The following ZFHX3 variants were observed in gnomAD, a reference collection of about 807,000 sequenced individuals.
ZFHX3 encodes zinc finger homeobox protein 3.
Under a neutral mutation model 279.1 loss-of-function variants are expected in ZFHX3, and 42 were observed. The observed-to-expected ratio is 0.15, with a 90% CI of 0.12 to 0.19. ZFHX3 has a LOEUF of 0.19. Ranked by LOEUF, ZFHX3 falls within the 10% of genes least tolerant of loss-of-function variation. The pLI, the probability that ZFHX3 is intolerant of heterozygous loss-of-function variation, is 1.00. For missense variants in ZFHX3, 4,981 were observed against 4,754.0 expected, an observed-to-expected ratio of 1.05 and a Z score of -1.40; for synonymous variants, 2,293 against 1,957.8, an observed-to-expected ratio of 1.17 and a Z score of -4.52.
At chr16:73,134,819 T>C (rs1966761336) in intron 6 of ZFHX3, among the ~76,000 whole-genome samples, 1 of 152,132 alleles carries the variant, frequency 6.6e-6, no homozygotes, top group African/African-American at 2.4e-5. Flanking sequence ...GAGGAGGTGA[T>C]GTTTGCTACT....
chr16:73,757,000 G>A (rs777620583), intron 1 of ZFHX3, among the ~76,000 whole-genome samples: 23 of 152,112 alleles, frequency 1.5e-4, no homozygotes, highest in Non-Finnish European at 2.8e-4. Context: ...GTGCAAGAGG[G>A]AATGCATGGG....
In ZFHX3 at chr16:72,787,477, G is replaced by T; in HGVS notation, c.10799C>A (p.Pro3600Gln). The change falls in exon 10 of 10, where the codon CCG (proline) becomes CAG (glutamine). Residue 3600 changes from proline to glutamine, a missense_variant. This residue lies in a region of ZFHX3 where 1,034 missense variants were observed against 786.0 expected (regional missense o/e 1.32). Coordinates refer to ENST00000268489, the MANE Select transcript of ZFHX3 (RefSeq NM_006885.4). ...AAHSNDSPPP[P>Q]SAAAPSSASP... Reference sequence around the variant, plus strand: ...AGCGGAGGAGGGGGCGGCGGCCGACGGGGGAGGGGGGCTGTCGTTTGAGTG... The same window carrying T: ...AGCGGAGGAGGGGGCGGCGGCCGACTGGGGAGGGGGGCTGTCGTTTGAGTG... 1 of 1,605,892 alleles carries T rather than the reference G, an allele frequency of 6.2e-7. No individual in the cohort carries two copies. The highest frequency in any genetic ancestry group is 8.5e-7 in the Non-Finnish European group (1 of 1,174,842).
chr16:72,906,573 G>T (rs140076704), intron 3 of ZFHX3, among the ~76,000 whole-genome samples: 126 of 152,218 alleles, frequency 8.3e-4, no homozygotes, highest in Admixed American at 2.5e-3. Flanking sequence ...GAGGCAGGCG[G>T]ATCACCTGAG....
intron 2 of ZFHX3, among the ~76,000 whole-genome samples, chr16:72,951,937 G>T (rs529948151): frequency 6.6e-6 from 1 of 152,210 alleles, no homozygotes; most frequent in Admixed American, 6.5e-5. Context: ...GGGTTGGATA[G>T]TGCATCTCTA....
chr16:73,886,901 C>A (rs1056018934), intron 1 of ZFHX3, among the ~76,000 whole-genome samples: 5 of 152,142 alleles, frequency 3.3e-5, no homozygotes, highest in African/African-American at 1.2e-4. Context: ...CAGTCTGTCA[C>A]TGATTAAAAG....
At chr16:73,476,614 G>A (rs552013074) in intron 2 of ZFHX3, among the ~76,000 whole-genome samples, 3 of 152,300 alleles carry the variant, frequency 2.0e-5, no homozygotes, top group African/African-American at 7.2e-5. Flanking sequence ...CAAGTGGGAG[G>A]AAGCTGTGAA....
At chr16:73,298,272 C>T (rs2014969616) in intron 4 of ZFHX3, among the ~76,000 whole-genome samples, 1 of 151,334 alleles carries the variant, frequency 6.6e-6, no homozygotes, top group Non-Finnish European at 1.5e-5. Flanking sequence ...AACCTCCGCC[C>T]CTCCCAGGTT....
At chr16:72,917,963 A>C (rs1438850802) in intron 3 of ZFHX3, among the ~76,000 whole-genome samples, 1 of 152,230 alleles carries the variant, frequency 6.6e-6, no homozygotes, top group Non-Finnish European at 1.5e-5. Flanking sequence ...CAATGGAATA[A>C]ACACGATGAA....
chr16:73,131,579 T>C (rs2144820172), intron 6 of ZFHX3, among the ~76,000 whole-genome samples: 1 of 152,226 alleles, frequency 6.6e-6, no homozygotes, highest in East Asian at 1.9e-4. Context: ...AGTCAAAGTG[T>C]GAGCTGACAC....
intron 1 of ZFHX3, among the ~76,000 whole-genome samples, chr16:73,692,884 A>C (rs2053162668): frequency 6.6e-6 from 1 of 152,232 alleles, no homozygotes; most frequent in South Asian, 2.1e-4. Context: ...TCCGAATGAA[A>C]CAAATGTTTT....
At chr16:73,302,395 C>T (rs2015076903) in intron 4 of ZFHX3, among the ~76,000 whole-genome samples, 1 of 152,190 alleles carries the variant, frequency 6.6e-6, no homozygotes, top group Non-Finnish European at 1.5e-5. Flanking sequence ...CTCAAATTGC[C>T]CCCAGAGCCC....
In ZFHX3 at chr16:72,787,740, G is replaced by A. The variant is rs746198917; in HGVS notation, c.10536C>T (p.Gly3512=). 6 of 1,404,456 alleles carry A rather than the reference G, an allele frequency of 4.3e-6. No individual in the cohort carries two copies. The African/African-American group carries it at 5.9e-5, about 14-fold the overall frequency. 87.0% of individuals were successfully genotyped at this position (1,404,456 alleles called of 1,614,324 possible). ...CGCCACCGCCGCCGCCGCCGCCACT[G>A]CCACCGCCGCCGCCGCCGGTGGGGA... ...LHVPTGGGGG[G]SGGGGGGGGG... Residue 3512 remains glycine (G), a synonymous_variant, in exon 10 of 10, where the codon GGC becomes GGT. Transcript: ENST00000268489.
chr16:73,343,238 T>C (rs1171754922), intron 3 of ZFHX3, among the ~76,000 whole-genome samples: 1 of 152,152 alleles, frequency 6.6e-6, no homozygotes, highest in African/African-American at 2.4e-5. Context: ...TGTGTATGTA[T>C]GCATATATAC....
intron 9 of ZFHX3, among the ~76,000 whole-genome samples, chr16:72,792,964 G>A (rs1469528847): frequency 6.6e-6 from 1 of 152,214 alleles, no homozygotes; most frequent in African/African-American, 2.4e-5. Context: ...ATAAAAACTT[G>A]TTTCTTGAAA....
intron 2 of ZFHX3, among the ~76,000 whole-genome samples, chr16:73,604,022 G>C (rs1349997235): frequency 6.6e-6 from 1 of 151,750 alleles, no homozygotes; most frequent in African/African-American, 2.4e-5. Flanking sequence ...CAGGTGATTT[G>C]CCACCTCAGC....
chr16:72,921,069 C>CAAAAAA (rs57294537), intron 3 of ZFHX3, among the ~76,000 whole-genome samples: 1 of 23,568 alleles, frequency 4.2e-5, no homozygotes, highest in African/African-American at 1.4e-4. Context: ...CAGACCTTGT[C>CAAAAAA]AAAAAAAAAA....
intron 5 of ZFHX3, among the ~76,000 whole-genome samples, chr16:73,150,494 A>G (rs1401765391): frequency 2.0e-5 from 3 of 152,240 alleles, no homozygotes; most frequent in Non-Finnish European, 4.4e-5. Flanking sequence ...TAAAATAAAT[A>G]CACAGCAAGT....
intron 1 of ZFHX3, among the ~76,000 whole-genome samples, chr16:73,750,985 G>C (rs328335): frequency 0.067 from 10,160 of 152,172 alleles, 427 homozygotes; most frequent in African/African-American, 0.11. Context: ...CTACTGGCCT[G>C]GGCATTTTTC....
chr16:73,797,808 T>TTC, intron 1 of ZFHX3, among the ~76,000 whole-genome samples: 3 of 23,492 alleles, frequency 1.3e-4, no homozygotes, highest in African/African-American at 6.4e-4. Context: ...TTCTGAAGAC[T>TTC]TTTTTTTTTT....
Sources: gnomAD v4.1 joint callset for allele counts (sites outside exome capture counted in the v4.1 genomes callset) on GRCh38, gnomAD v4.1.1 for gene constraint, gnomAD v4.1.1 regional missense constraint, MANE v1.5 for transcripts, NCBI Gene and HGNC (gene_info 2026-07-23, HGNC 2026-07-21) for gene names.